Variants in SMARCA2 observed in about 807,000 individuals in gnomAD.
SMARCA2 encodes SWI/SNF-related matrix-associated actin-dependent regulator of chromatin subfamily A member 2.
Under a neutral mutation model 199.8 loss-of-function variants are expected in SMARCA2, and 61 were observed. That is an observed-to-expected ratio of 0.31 (90% CI 0.25 to 0.38). The LOEUF (loss-of-function observed/expected upper bound fraction) is 0.38, where lower values mean the gene tolerates loss of function less well. SMARCA2 is among the 10% of genes least tolerant of loss of function. The pLI is 1.00. For missense variants in SMARCA2, 1,344 were observed against 2,012.2 expected (o/e 0.67, Z 6.35); for synonymous variants, 935 against 732.0 (o/e 1.28, Z -4.48).
At chr9:2,052,936 C>G (rs1421687090) in intron 5 of SMARCA2, among the ~76,000 whole-genome samples, 1 of 152,158 alleles carries the variant, frequency 6.6e-6, no homozygotes, top group African/African-American at 2.4e-5. Context: ...GCAACATCAT[C>G]ATGTTTGGAA....
chr9:2,147,243 A>G (rs74892764), intron 27 of SMARCA2, among the ~76,000 whole-genome samples: 1 of 8,742 alleles, frequency 1.1e-4, no homozygotes, highest in Non-Finnish European at 4.9e-4. Flanking sequence ...TGAGTGACCA[A>G]AAAAAAAAAA....
At chr9:2,033,791 C>T (rs1819177505) in intron 3 of SMARCA2, among the ~76,000 whole-genome samples, 1 of 152,224 alleles carries the variant, frequency 6.6e-6, no homozygotes, top group East Asian at 1.9e-4. Context: ...CATTCCTGGA[C>T]TTGCAGATGC....
At chr9:2,083,128 C>G (rs958071902) in intron 15 of SMARCA2, among the ~76,000 whole-genome samples, 2 of 151,978 alleles carry the variant, frequency 1.3e-5, no homozygotes, top group African/African-American at 2.4e-5. Context: ...TTTTTTCTTA[C>G]AAGATTTTTT....
chr9:2,058,939 T>C (rs1175122791), intron 8 of SMARCA2, among the ~76,000 whole-genome samples: 3 of 152,244 alleles, frequency 2.0e-5, no homozygotes, highest in Non-Finnish European at 4.4e-5. Flanking sequence ...GAAATTATTC[T>C]CTAACAGTGT....
intron 27 of SMARCA2, among the ~76,000 whole-genome samples, chr9:2,149,905 T>C (rs896333997): frequency 6.6e-6 from 1 of 151,612 alleles, no homozygotes; most frequent in Admixed American, 6.6e-5. Flanking sequence ...ACCTTTTATA[T>C]ACTTAGCAAC....
chr9:2,182,455 C>A (rs185369457), intron 31 of SMARCA2, among the ~76,000 whole-genome samples: 100 of 148,716 alleles, frequency 6.7e-4, no homozygotes, highest in African/African-American at 2.4e-3. Flanking sequence ...CGCCTACTCA[C>A]ACTTCTTTTC....
intron 23 of SMARCA2, among the ~76,000 whole-genome samples, chr9:2,107,430 G>T (rs543120647): frequency 1.2e-4 from 18 of 152,308 alleles, no homozygotes; most frequent in Admixed American, 1.2e-3. Context: ...CAATTCTTGT[G>T]CCCCACCCTC....
At chr9:2,189,897 A>G (rs965601190) in intron 32 of SMARCA2, among the ~76,000 whole-genome samples, 8 of 144,270 alleles carry the variant, frequency 5.5e-5, no homozygotes, top group Admixed American at 1.4e-4. Context: ...TCACAAAAGA[A>G]GTCTGAAACA....
In SMARCA2 at chr9:2,074,790, C is replaced by T. The variant is rs1821252359; in HGVS notation, c.1935+1167C>T. Reference sequence around the variant, plus strand: ...GCTGAGGTAGGAGGATGGCTTGAGCCCTGGGCAGAGACTGCAGTGAGCTGA... The same window carrying T: ...GCTGAGGTAGGAGGATGGCTTGAGCTCTGGGCAGAGACTGCAGTGAGCTGA... On this transcript the variant is annotated intron_variant, in intron 12 of 33. Transcript: ENST00000349721. 3.3e-5 allele frequency among the ~76,000 whole-genome samples: 5 copies of T among 152,156 alleles called. No individual in the cohort carries two copies. The South Asian group carries it at 1.0e-3, about 32-fold the overall frequency.
At chr9:2,155,720 C>CTTTTTTTTTTTTTTTTTTTTTTTTT (rs59156319) in intron 27 of SMARCA2, among the ~76,000 whole-genome samples, 1 of 53,152 alleles carries the variant, frequency 1.9e-5, no homozygotes. Context: ...AAGAGAAAAC[C>CTTTTTTTTTTTTTTTTTTTTTTTTT]TTTTTTTTTT....
Position 2,157,807 on chromosome 9 carries a change from G to A in SMARCA2, c.3982-3879G>A, listed in dbSNP as rs1452117349. On this transcript the variant is annotated intron_variant, in intron 27 of 33. Coordinates refer to ENST00000349721, the MANE Select transcript of SMARCA2 (RefSeq NM_003070.5). ...GTGATACTGTGAACCACGCATAACA[G>A]CAATTCTTTACACCACCGGGTTGAG... is the stretch of plus-strand genomic sequence containing the variant. 1.5e-5 allele frequency: 6 copies of A among 398,018 alleles called. No homozygotes were observed. The East Asian group carries it at 2.1e-4, about 14-fold the overall frequency. 24.7% of individuals were successfully genotyped at this position (398,018 alleles called of 1,614,324 possible).
At chr9:2,116,251 C>T (rs538415738) in intron 25 of SMARCA2, among the ~76,000 whole-genome samples, 2 of 152,340 alleles carry the variant, frequency 1.3e-5, no homozygotes, top group East Asian at 1.9e-4. Flanking sequence ...GCTGGAGGAA[C>T]CTCAAGGCTT....
intron 1 of SMARCA2, among the ~76,000 whole-genome samples, chr9:2,024,375 T>C (rs894423032): frequency 6.6e-6 from 1 of 152,140 alleles, no homozygotes; most frequent in Non-Finnish European, 1.5e-5. Context: ...ATTTTTATCT[T>C]GTTGCTACTT....
intron 27 of SMARCA2, among the ~76,000 whole-genome samples, chr9:2,128,398 C>G (rs7858597): frequency 0.28 from 42,995 of 152,162 alleles, 11,520 homozygotes; most frequent in African/African-American, 0.7. Flanking sequence ...TCATAAGACC[C>G]CTGGCCTCTT....
Position 2,060,800 on chromosome 9 carries a change from C to G in SMARCA2, c.1522-16C>G. On this transcript the variant is annotated splice_polypyrimidine_tract_variant and intron_variant, in intron 8 of 33. Transcript: ENST00000349721. ...GCTTATATTATGCTCTCATCCTGCT[C>G]TTCTTTCCTTAATAGGCTGAAGATG... is the stretch of plus-strand genomic sequence containing the variant. 1.2e-6 allele frequency: 2 copies of G among 1,612,580 alleles called. No individual in the cohort carries two copies. The highest frequency in any genetic ancestry group is 1.7e-6 in the Non-Finnish European group (2 of 1,179,066).
At chr9:2,168,797 G>A (rs1243338793) in intron 28 of SMARCA2, among the ~76,000 whole-genome samples, 4 of 152,076 alleles carry the variant, frequency 2.6e-5, no homozygotes, top group Non-Finnish European at 5.9e-5. Flanking sequence ...TGGCTGACCT[G>A]CATGGACTCC....
chr9:2,136,082 C>T (rs752578640), intron 27 of SMARCA2, among the ~76,000 whole-genome samples: 19 of 149,830 alleles, frequency 1.3e-4, no homozygotes, highest in Non-Finnish European at 2.1e-4. Context: ...TCTCGTGATC[C>T]GCCTGCCTCA....
intron 19 of SMARCA2, among the ~76,000 whole-genome samples, chr9:2,092,460 G>A (rs1822100902): frequency 6.6e-6 from 1 of 152,112 alleles, no homozygotes; most frequent in Non-Finnish European, 1.5e-5. Context: ...GAATCATATT[G>A]TTTACAAATC....
rs1827082285 is a variant in SMARCA2, at chr9:2,182,174, G to A, written c.4393G>A (p.Gly1465Ser). Residue 1465 changes from glycine to serine, a missense_variant, in exon 31 of 34, where the codon GGC (glycine) becomes AGC (serine). By Grantham distance (56) the Gly-to-Ser change is moderately conservative. Transcript: ENST00000349721. Reference protein sequence around the residue: ...RIRNHKYRSLGDLEKDVMLLC... With the variant: ...RIRNHKYRSLSDLEKDVMLLC... Reference sequence around the variant, plus strand: ...TCGTAATCATAAGTACCGGAGCCTAGGCGACCTGGAGAAGGATGTCATGCT... The same window carrying A: ...TCGTAATCATAAGTACCGGAGCCTAAGCGACCTGGAGAAGGATGTCATGCT... 5 of 1,613,514 alleles carry A rather than the reference G, an allele frequency of 3.1e-6. No individual in the cohort carries two copies. Among genetic ancestry groups the A allele is most frequent in the Non-Finnish European group, 4.2e-6 (5 of 1,179,448 alleles).
Sources: gnomAD v4.1 joint callset for allele counts (sites outside exome capture counted in the v4.1 genomes callset) on GRCh38, gnomAD v4.1.1 for gene constraint, MANE v1.5 for transcripts, NCBI Gene and HGNC (gene_info 2026-07-23, HGNC 2026-07-21) for gene names.